The following TRIP11 variants were observed in gnomAD, a reference collection of about 807,000 sequenced individuals.
The protein encoded by TRIP11 is thyroid hormone receptor interactor 11, also known as thyroid receptor-interacting protein 11.
Under a neutral mutation model 223.1 loss-of-function variants are expected in TRIP11, and 148 were observed. The ratio of observed to expected loss-of-function variants is 0.66; its 90% CI spans 0.58 to 0.76. The LOEUF (loss-of-function observed/expected upper bound fraction) is 0.76, where lower values mean the gene tolerates loss of function less well. Among genes scored for constraint, TRIP11 ranks in the 30% least tolerant of loss-of-function variants. TRIP11 has a pLI of 0.00. For synonymous variants in TRIP11, 762 were observed against 772.6 expected, an observed-to-expected ratio of 0.99 and a Z score of 0.23; for missense variants, 2,043 against 2,222.0, an observed-to-expected ratio of 0.92 and a Z score of 1.62.
intron 10 of TRIP11, among the ~76,000 whole-genome samples, chr14:92,006,711 C>T (rs1050288103): frequency 9.2e-5 from 14 of 152,020 alleles, no homozygotes; most frequent in African/African-American, 3.1e-4. Context: ...AATCTCGGCT[C>T]GGCGCAATCT....
rs74071811 is a variant in TRIP11, at chr14:92,016,137, A to G, written c.658-276T>C. Among the ~76,000 whole-genome samples the G allele has an allele frequency of 0.013, 1,999 of 152,274 alleles. 29 individuals carry two copies. The highest frequency in any genetic ancestry group is 0.045 in the African/African-American group (1,871 of 41,526). ...GATAAGTAAAAATGTCTTTTCCTTA[A>G]TATCTGTGACCATGAACTTCTCCTT... On this transcript the variant is annotated intron_variant, in intron 5 of 20. Transcript: ENST00000267622.
At chr14:91,989,001 C>G (rs2056640734) in intron 15 of TRIP11, among the ~76,000 whole-genome samples, 1 of 152,238 alleles carries the variant, frequency 6.6e-6, no homozygotes, top group African/African-American at 2.4e-5. Context: ...TTTCTACTGA[C>G]TCTATAATAT....
Position 92,015,879 on chromosome 14 carries a change from A to G in TRIP11, c.658-18T>C, listed in dbSNP as rs2057030136. The stretch of plus-strand genomic sequence containing the variant: ...TTTAGTTCCTTAAAAAATAAAAACA[A>G]AGTTATTCACATTTATAATCAATAA... On this transcript the variant is annotated intron_variant, in intron 5 of 20. Coordinates refer to ENST00000267622, the MANE Select transcript of TRIP11 (RefSeq NM_004239.4). 1 of 1,590,796 alleles carries G rather than the reference A, an allele frequency of 6.3e-7. No individual in the cohort carries two copies. Among genetic ancestry groups the G allele is most frequent in the African/African-American group, 1.3e-5 (1 of 74,402 alleles).
Position 92,014,549 on chromosome 14 carries a change from G to A in TRIP11, c.852C>T (p.Leu284=), listed in dbSNP as rs779620626. 1.1e-5 allele frequency: 17 copies of A among 1,602,626 alleles called. No homozygotes were observed. The highest frequency in any genetic ancestry group is 1.3e-5 in the Non-Finnish European group (15 of 1,177,636). The change falls in exon 7 of 21, where the codon CTC becomes CTT. Residue 284 remains leucine (L), a synonymous_variant. Coordinates refer to ENST00000267622, the MANE Select transcript of TRIP11 (RefSeq NM_004239.4). ...QGGSGVIETD[L]SKIYEMQKTI... The stretch of plus-strand genomic sequence containing the variant: ...TTTTTTGCATCTCATAGATTTTAGA[G>A]AGATCAGTTTCTATAACTCCAGAGC...
chr14:92,032,780 C>T lies in TRIP11; in HGVS notation c.201+412G>A, dbSNP rs1029847165. Among the ~76,000 whole-genome samples, 13 of 151,112 alleles carry T rather than the reference C, an allele frequency of 8.6e-5. No homozygotes were observed. In the South Asian group the frequency reaches 2.7e-3, roughly 32 times the overall value. On this transcript the variant is annotated intron_variant, in intron 2 of 20. Transcript: ENST00000267622. ...CCCAGGAGGTGGAGGTTGTAGTGAG[C>T]CAAGATAGTGCCACTGCACTCCAGC...
chr14:91,996,158 C>T (rs1028722777), intron 13 of TRIP11, among the ~76,000 whole-genome samples: 2 of 152,312 alleles, frequency 1.3e-5, no homozygotes, highest in African/African-American at 4.8e-5. Context: ...AGTAATTCCC[C>T]TTTCCCTTGA....
chr14:92,029,277 ATTATTT>A (rs2057229774), intron 2 of TRIP11, among the ~76,000 whole-genome samples: 1 of 97,128 alleles, frequency 1.0e-5, no homozygotes, highest in African/African-American at 4.7e-5. Flanking sequence ...TGCCCAAAGT[ATTATTT>A]TTTTTTTTTT....
intron 2 of TRIP11, among the ~76,000 whole-genome samples, chr14:92,029,488 G>A (rs2057235878): frequency 1.3e-5 from 2 of 151,664 alleles, no homozygotes; most frequent in African/African-American, 2.4e-5. Flanking sequence ...TAGAGATGGG[G>A]TTTCACCATG....
At chr14:92,033,661 G>C (rs1228556205) in intron 1 of TRIP11, among the ~76,000 whole-genome samples, 1 of 152,152 alleles carries the variant, frequency 6.6e-6, no homozygotes, top group Non-Finnish European at 1.5e-5. Flanking sequence ...GAAACACAAA[G>C]GGTGGCTTGC....
chr14:91,981,404 T>G (rs2056542863), intron 16 of TRIP11, among the ~76,000 whole-genome samples: 1 of 152,032 alleles, frequency 6.6e-6, no homozygotes, highest in South Asian at 2.1e-4. Context: ...TGTTGTTGTT[T>G]TTTTAGACAG....
chr14:91,988,301 T>A lies in TRIP11; in HGVS notation c.5243A>T (p.Glu1748Val). 1 of 1,612,484 alleles carries A rather than the reference T, an allele frequency of 6.2e-7. No individual in the cohort carries two copies. The highest frequency in any genetic ancestry group is 1.1e-5 in the South Asian group (1 of 90,962). The change falls in exon 16 of 21, where the codon GAA (glutamate) becomes GTA (valine). Residue 1748 changes from glutamate to valine, a missense_variant. Transcript: ENST00000267622. Reference protein sequence around the residue: ...EQLDVKEEQIEELKRQNELRQ... With the variant: ...EQLDVKEEQIVELKRQNELRQ... ...AAACCTACTTTGTCTTTTAAGTTCT[T>A]CAATTTGTTCTTCTTTTACATCTAA...
chr14:92,019,606 T>C (rs978832194), intron 4 of TRIP11, among the ~76,000 whole-genome samples: 1 of 152,254 alleles, frequency 6.6e-6, no homozygotes, highest in African/African-American at 2.4e-5. Context: ...TCTTTACTCA[T>C]GTAATTTTTT....
Position 91,978,416 on chromosome 14 carries a change from CCTACCTACTTTCCTCTAAAATTAGTAAT to C in TRIP11, c.5261-2255_5261-2228del, listed in dbSNP as rs550835128. Among the ~76,000 whole-genome samples, 96 of 152,284 alleles carry C rather than the reference CCTACCTACTTTCCTCTAAAATTAGTAAT, an allele frequency of 6.3e-4. No individual in the cohort carries two copies. Among genetic ancestry groups the C allele is most frequent in the African/African-American group, 2.2e-3 (93 of 41,554 alleles). On this transcript the variant is annotated intron_variant, in intron 16 of 20. Coordinates refer to ENST00000267622, the MANE Select transcript of TRIP11 (RefSeq NM_004239.4). The surrounding 1 kb of genome is among the most constrained non-coding windows in gnomAD (Gnocchi z 4.4). Reference sequence around the variant, plus strand: ...TCCCTTTCCCTGAGACTTCCCTTCTCCTACCTACTTTCCTCTAAAATTAGTAATTTGTATATTGATTACATGTCTATAT... The same window carrying C: ...TCCCTTTCCCTGAGACTTCCCTTCTCTTGTATATTGATTACATGTCTATAT...
chr14:91,993,684 G>C (rs1202242212), intron 15 of TRIP11, 125 bp downstream of exon 15: 1 of 762,570 alleles, frequency 1.3e-6, no homozygotes, highest in East Asian at 2.7e-5. Context: ...CTACAGCAGA[G>C]GGCTGGATTC....
intron 4 of TRIP11, among the ~76,000 whole-genome samples, chr14:92,020,251 CAAAA>C (rs573852798): frequency 7.3e-6 from 1 of 137,468 alleles, no homozygotes; most frequent in African/African-American, 2.7e-5. Context: ...GACTCTCTCT[CAAAA>C]AAAAAAAGAA....
chr14:91,987,130 T>C (rs1050481357), intron 16 of TRIP11, among the ~76,000 whole-genome samples: 1 of 152,190 alleles, frequency 6.6e-6, no homozygotes, highest in Admixed American at 6.5e-5. Flanking sequence ...CAAATGTCCA[T>C]AATAGACACT....
chr14:92,026,268 A>G (rs1376526430), intron 2 of TRIP11, among the ~76,000 whole-genome samples: 5 of 152,260 alleles, frequency 3.3e-5, no homozygotes, highest in African/African-American at 1.2e-4. Context: ...TACACAAAAT[A>G]GCCTAATTCA....
Position 91,974,578 on chromosome 14 carries a change from T to C in TRIP11, c.5574+49A>G, listed in dbSNP as rs756230434. 8 of 1,363,506 alleles carry C rather than the reference T, an allele frequency of 5.9e-6. No individual in the cohort carries two copies. The South Asian group carries it at 9.3e-5, about 16-fold the overall frequency. The allele number at this position is 1,363,506 out of a possible 1,614,324, so 84.5% of individuals were successfully genotyped here. On this transcript the variant is annotated intron_variant, in intron 19 of 20. Transcript: ENST00000267622. ...TGATTCTTTGCAAATGAATGTAATA[T>C]ACAGTCATTTTACTATTCACCTTAA...
At position 92,037,539 on chromosome 14, in the gene TRIP11, T is replaced by C. The variant is rs1462346428; in HGVS notation, c.139+2008A>G. Among the ~76,000 whole-genome samples, 1 of 152,162 alleles carries C rather than the reference T, an allele frequency of 6.6e-6. No individual in the cohort carries two copies. Among genetic ancestry groups the C allele is most frequent in the Non-Finnish European group, 1.5e-5 (1 of 68,040 alleles). ...GAAGCTGTGCGTACAAGCAAGCATA[T>C]ATATGTGCACATGTACAGCAACTGG... On this transcript the variant is annotated intron_variant, in intron 1 of 20. Transcript: ENST00000267622. This position sits in a 1 kb window ranked among gnomAD's most constrained non-coding sequence, Gnocchi z 4.2.
Sources: allele counts gnomAD v4.1 joint callset (sites outside exome capture counted in the v4.1 genomes callset), GRCh38; gene constraint gnomAD v4.1.1; non-coding constraint Gnocchi (gnomAD v3.1); transcripts MANE v1.5; gene names NCBI Gene and HGNC (gene_info 2026-07-23, HGNC 2026-07-21).